Variants in CYTH3 observed in about 807,000 individuals in gnomAD.
CYTH3 encodes the protein cytohesin-3.
Under a neutral mutation model 55.1 loss-of-function variants are expected in CYTH3, and 23 were observed. The ratio of observed to expected loss-of-function variants is 0.42; its 90% CI spans 0.30 to 0.59. CYTH3 has a LOEUF of 0.59. CYTH3 is among the 20% of genes least tolerant of loss of function. The pLI, the probability that CYTH3 is intolerant of heterozygous loss-of-function variation, is 0.20. For synonymous variants in CYTH3, 249 were observed against 194.9 expected (o/e 1.28, Z -2.31); for missense variants, 413 against 524.8 (o/e 0.79, Z 2.08).
chr7:6,180,073 C>A (rs112793819), intron 4 of CYTH3, among the ~76,000 whole-genome samples: 1 of 152,162 alleles, frequency 6.6e-6, no homozygotes, highest in African/African-American at 2.4e-5. Context: ...CAAGTGAGGC[C>A]GGTGGAGAAG....
At chr7:6,183,553 G>C (rs1450895121) in intron 4 of CYTH3, among the ~76,000 whole-genome samples, 2 of 152,146 alleles carry the variant, frequency 1.3e-5, no homozygotes, top group Non-Finnish European at 2.9e-5. Context: ...CCTGTTTAAA[G>C]TGTCATCACT....
At chr7:6,173,027 A>C in intron 6 of CYTH3, 1 of 1,063,054 alleles carries the variant, frequency 9.4e-7, no homozygotes, top group Non-Finnish European at 1.2e-6. Context: ...GGCTGAGGCG[A>C]CTCCCACCAG....
chr7:6,165,576 C>G lies in CYTH3; in HGVS notation c.941G>C (p.Ser314Thr). The G allele has an allele frequency of 6.2e-7, 1 of 1,614,124 alleles. No homozygotes were observed. The highest frequency in any genetic ancestry group is 8.5e-7 in the Non-Finnish European group (1 of 1,179,982). Residue 314 changes from serine (S) to threonine (T), a missense_variant, in exon 11 of 13, where the codon AGC becomes ACC. Transcript: ENST00000350796. The part of the protein sequence containing the change: ...PRGIIPLENL[S>T]IREVEDPRKP... ...CCGGGGGTCCTCCACCTCCCTGATG[C>G]TGAGGTTTTCCAACGGGATGATTCC... is the stretch of plus-strand genomic sequence containing the variant.
chr7:6,218,821 A>G (rs937406886), intron 1 of CYTH3, among the ~76,000 whole-genome samples: 1 of 152,102 alleles, frequency 6.6e-6, no homozygotes, highest in African/African-American at 2.4e-5. Flanking sequence ...CCTGGCCAAC[A>G]TGGCGAAACT....
At chr7:6,189,145 G>A (rs1171098174) in intron 2 of CYTH3, among the ~76,000 whole-genome samples, 2 of 152,120 alleles carry the variant, frequency 1.3e-5, no homozygotes, top group Non-Finnish European at 2.9e-5. Flanking sequence ...AGGAGCCAGG[G>A]CCGGCCCTCT....
At chr7:6,172,928 C>G (rs2128538265) in intron 6 of CYTH3, 1 of 1,175,586 alleles carries the variant, frequency 8.5e-7, no homozygotes, top group Non-Finnish European at 1.1e-6. Flanking sequence ...AGGCCATGAG[C>G]AAACAGTCCA....
intron 1 of CYTH3, among the ~76,000 whole-genome samples, chr7:6,209,490 C>T (rs902759194): frequency 1.3e-5 from 2 of 152,120 alleles, no homozygotes; most frequent in Non-Finnish European, 2.9e-5. Context: ...GTTGGCGGTG[C>T]GGGGGAGCAG....
intron 1 of CYTH3, among the ~76,000 whole-genome samples, chr7:6,254,593 C>T (rs983921172): frequency 3.3e-5 from 5 of 152,164 alleles, no homozygotes; most frequent in African/African-American, 7.2e-5. Context: ...GGATTACAGG[C>T]GCATACCACA....
At chr7:6,220,950 C>T (rs1245385226) in intron 1 of CYTH3, among the ~76,000 whole-genome samples, 2 of 151,928 alleles carry the variant, frequency 1.3e-5, no homozygotes, top group African/African-American at 2.4e-5. Context: ...AAGTCGAGAT[C>T]GCGCCACTGC....
chr7:6,241,460 T>C (rs897610837), intron 1 of CYTH3, among the ~76,000 whole-genome samples: 4 of 152,200 alleles, frequency 2.6e-5, no homozygotes, highest in African/African-American at 7.2e-5. Context: ...ATCTCACACA[T>C]TGTTGATGGG....
At chr7:6,208,029 C>T (rs932300782) in intron 1 of CYTH3, among the ~76,000 whole-genome samples, 1 of 152,118 alleles carries the variant, frequency 6.6e-6, no homozygotes, top group African/African-American at 2.4e-5. Flanking sequence ...CTTTTGAGCA[C>T]TACTGTTCTT....
intron 1 of CYTH3, among the ~76,000 whole-genome samples, chr7:6,195,231 G>GAAC (rs1783896487): frequency 6.6e-6 from 1 of 151,976 alleles, no homozygotes; most frequent in African/African-American, 2.4e-5. Context: ...TATAAATTAA[G>GAAC]AACACAATGT....
intron 1 of CYTH3, among the ~76,000 whole-genome samples, chr7:6,203,073 T>A (rs1322506434): frequency 6.6e-6 from 1 of 152,126 alleles, no homozygotes; most frequent in Non-Finnish European, 1.5e-5. Flanking sequence ...AGTCACTAGA[T>A]AATGATATTT....
chr7:6,228,677 T>A (rs1236025076), intron 1 of CYTH3, among the ~76,000 whole-genome samples: 2 of 152,242 alleles, frequency 1.3e-5, no homozygotes, highest in Non-Finnish European at 2.9e-5. Context: ...TGCCTCCCGC[T>A]CTGAGCAGGG....
intron 1 of CYTH3, among the ~76,000 whole-genome samples, chr7:6,248,731 C>T (rs1426763725): frequency 9.2e-5 from 14 of 152,248 alleles, no homozygotes; most frequent in Non-Finnish European, 1.5e-5. Context: ...AACACCACAT[C>T]TCCATATGTT....
chr7:6,227,768 C>G (rs1779292809), intron 1 of CYTH3, among the ~76,000 whole-genome samples: 1 of 152,188 alleles, frequency 6.6e-6, no homozygotes. Context: ...ATGTTCCAGG[C>G]CAATACGATA....
At chr7:6,213,617 C>T (rs560042027) in intron 1 of CYTH3, among the ~76,000 whole-genome samples, 2 of 152,126 alleles carry the variant, frequency 1.3e-5, no homozygotes, top group East Asian at 3.9e-4. Flanking sequence ...TGGCCTTCAA[C>T]CCCCAGGGGC....
intron 4 of CYTH3, among the ~76,000 whole-genome samples, chr7:6,183,607 G>C (rs190201008): frequency 6.6e-6 from 1 of 152,190 alleles, no homozygotes; most frequent in Admixed American, 6.5e-5. Context: ...GAATTTATTT[G>C]CTCTGACAAT....
intron 12 of CYTH3, 126 bp from the exon 13 acceptor site, chr7:6,165,142 C>T (rs1782951230): frequency 1.9e-6 from 3 of 1,560,626 alleles, no homozygotes; most frequent in African/African-American, 1.4e-5. Flanking sequence ...CTTTGGCAGC[C>T]CGGCCCTCTG....
Sources: allele counts gnomAD v4.1 joint callset (sites outside exome capture counted in the v4.1 genomes callset), GRCh38; gene constraint gnomAD v4.1.1; transcripts MANE v1.5; gene names NCBI Gene and HGNC (gene_info 2026-07-23, HGNC 2026-07-21).